NTN4: variants seen among roughly 807,000 people sequenced by gnomAD.
NTN4 encodes the protein netrin 4, also known as netrin-4.
A neutral mutation model predicts 73.6 loss-of-function variants in NTN4; 32 were observed. That is an observed-to-expected ratio of 0.44 (90% CI 0.33 to 0.58). NTN4 has a LOEUF of 0.58. NTN4 is among the 20% of genes least tolerant of loss of function. The probability of loss-of-function intolerance (pLI) is 0.04; values close to 1 mark genes in which losing one functional copy is unlikely to be tolerated. For missense variants in NTN4, 654 were observed against 798.3 expected, an observed-to-expected ratio of 0.82 and a Z score of 2.18; for synonymous variants, 258 against 287.5, an observed-to-expected ratio of 0.90 and a Z score of 1.04.
In NTN4 at chr12:95,672,897, A is replaced by G. The variant is rs557957733; in HGVS notation, c.1511-2751T>C. 181 of 1,296,658 alleles carry G rather than the reference A, an allele frequency of 1.4e-4. 2 individuals are homozygous for G. In the South Asian group the frequency reaches 1.6e-3, roughly 12 times the overall value. The allele number at this position is 1,296,658 out of a possible 1,614,324, so 80.3% of individuals were successfully genotyped here. A position where few individuals can be genotyped will look rare whatever the true frequency, so the allele number is the denominator to read the frequency against. On this transcript the variant is annotated intron_variant, in intron 7 of 9. Transcript: ENST00000343702. ...TCCGGGGCATTGTCAAGCATCTGGAAGGTCTCTCTGAAGAGGCTATCATGG... is the reference window on the plus strand; with the variant it reads ...TCCGGGGCATTGTCAAGCATCTGGAGGGTCTCTCTGAAGAGGCTATCATGG...
chr12:95,733,066 C>G (rs1003438345), intron 3 of NTN4, among the ~76,000 whole-genome samples: 4 of 152,206 alleles, frequency 2.6e-5, no homozygotes, highest in Admixed American at 6.5e-5. Context: ...AAAAATCTGC[C>G]TTAACAAGTG....
intron 2 of NTN4, among the ~76,000 whole-genome samples, chr12:95,769,406 G>T (rs1019281957): frequency 1.3e-5 from 2 of 152,050 alleles, no homozygotes; most frequent in Non-Finnish European, 2.9e-5. Context: ...GACATAAGTT[G>T]GAGTCTTAAA....
At chr12:95,699,730 C>T (rs1180205322) in intron 5 of NTN4, among the ~76,000 whole-genome samples, 2 of 151,910 alleles carry the variant, frequency 1.3e-5, no homozygotes, top group Non-Finnish European at 2.9e-5. Flanking sequence ...TTGGTAAATG[C>T]TTGGTTTGGG....
intron 6 of NTN4, 96 bp downstream of exon 6, chr12:95,683,402 G>T: frequency 8.8e-7 from 1 of 1,137,488 alleles, no homozygotes; most frequent in Non-Finnish European, 1.3e-6. Flanking sequence ...ATACATCTTT[G>T]CTCCATTAAC....
rs878915660 is a variant in NTN4 at position 95,790,385 on chromosome 12, C to T, written c.-76G>A. Reference sequence around the variant, plus strand: ...GAGACCTCTGGGCTGCGGGATGAAGCGCCGCCGTCCTCGGGAGGGAACGGG... The same window carrying T: ...GAGACCTCTGGGCTGCGGGATGAAGTGCCGCCGTCCTCGGGAGGGAACGGG... On this transcript the variant is annotated 5_prime_UTR_variant, in exon 1 of 10. Coordinates refer to ENST00000343702, the MANE Select transcript of NTN4 (RefSeq NM_021229.4). This position sits in a 1 kb window ranked among gnomAD's most constrained non-coding sequence, Gnocchi z 6.5. 7 of 1,275,696 alleles carry T rather than the reference C, an allele frequency of 5.5e-6. No homozygotes were observed. In the South Asian group the frequency reaches 9.0e-5, roughly 16 times the overall value. The allele number at this position is 1,275,696 out of a possible 1,614,324, so 79.0% of individuals were successfully genotyped here.
intron 3 of NTN4, among the ~76,000 whole-genome samples, chr12:95,735,004 A>T (rs1035225831): frequency 6.6e-6 from 1 of 152,180 alleles, no homozygotes; most frequent in African/African-American, 2.4e-5. Context: ...GTGCCATTGC[A>T]CTCCAGCCTG....
intron 2 of NTN4, among the ~76,000 whole-genome samples, chr12:95,750,350 C>A (rs895444985): frequency 4.6e-5 from 7 of 152,192 alleles, no homozygotes; most frequent in Admixed American, 3.9e-4. Context: ...CTATGGGCAA[C>A]CTTCCACCCT....
chr12:95,663,665 A>C (rs2078155980), intron 9 of NTN4: 1 of 152,246 alleles, frequency 6.6e-6, no homozygotes, highest in African/African-American at 2.4e-5. Flanking sequence ...AGTAAAATGA[A>C]AGAGTGTCTG....
intron 3 of NTN4, 119 bp from the exon 4 acceptor site, chr12:95,713,457 C>T (rs2078581499): frequency 1.7e-6 from 2 of 1,171,932 alleles, no homozygotes; most frequent in Non-Finnish European, 1.2e-6. Context: ...ATTCACTTTC[C>T]TGAAGAAGTT....
chr12:95,735,983 G>A (rs2078775074), intron 3 of NTN4, among the ~76,000 whole-genome samples: 1 of 150,482 alleles, frequency 6.6e-6, no homozygotes, highest in South Asian at 2.1e-4. Context: ...TTGTCACTCA[G>A]GCTAGAGTGC....
chr12:95,717,132 C>A (rs543854580), intron 3 of NTN4, among the ~76,000 whole-genome samples: 1 of 152,118 alleles, frequency 6.6e-6, no homozygotes, highest in South Asian at 2.1e-4. Context: ...TTTTAGCAAC[C>A]GTTTATTGAA....
intron 7 of NTN4, among the ~76,000 whole-genome samples, chr12:95,679,939 CT>C (rs2078303012): frequency 6.6e-6 from 1 of 152,158 alleles, no homozygotes. Flanking sequence ...CTTGCTGTAT[CT>C]TCTGCCTAAA....
At chr12:95,675,328 A>G (rs1242709159) in intron 7 of NTN4, among the ~76,000 whole-genome samples, 2 of 152,212 alleles carry the variant, frequency 1.3e-5, no homozygotes, top group African/African-American at 4.8e-5. Context: ...TGATTCTTGA[A>G]GGGTCCATAT....
intron 2 of NTN4, among the ~76,000 whole-genome samples, chr12:95,741,087 A>T (rs950723384): frequency 1.3e-5 from 2 of 152,216 alleles, no homozygotes; most frequent in East Asian, 3.9e-4. Flanking sequence ...TTGTTAGGCA[A>T]CTAGGTTGCT....
intron 2 of NTN4, among the ~76,000 whole-genome samples, chr12:95,754,961 A>G (rs2078938280): frequency 6.6e-6 from 1 of 152,236 alleles, no homozygotes; most frequent in Non-Finnish European, 1.5e-5. Flanking sequence ...TGGTTAATTC[A>G]GTTAAATCTT....
At chr12:95,764,471 C>T (rs1413419040) in intron 2 of NTN4, among the ~76,000 whole-genome samples, 1 of 152,148 alleles carries the variant, frequency 6.6e-6, no homozygotes, top group Non-Finnish European at 1.5e-5. Context: ...TTGAGACCAG[C>T]CTGGCCAACA....
chr12:95,668,220 A>C (rs1321220281), intron 8 of NTN4, among the ~76,000 whole-genome samples: 1 of 151,316 alleles, frequency 6.6e-6, no homozygotes, highest in Non-Finnish European at 1.5e-5. Flanking sequence ...GCAGTATTGC[A>C]CTTAATAAGA....
At chr12:95,702,488 T>G (rs972568099) in intron 5 of NTN4, among the ~76,000 whole-genome samples, 1 of 152,152 alleles carries the variant, frequency 6.6e-6, no homozygotes, top group Admixed American at 6.5e-5. Flanking sequence ...ACTTTCCTCT[T>G]GTAAAATGGG....
intron 3 of NTN4, among the ~76,000 whole-genome samples, chr12:95,714,081 T>C (rs919982705): frequency 3.9e-5 from 6 of 152,148 alleles, no homozygotes; most frequent in Non-Finnish European, 7.4e-5. Context: ...CATTTTTTTT[T>C]CCTCCCCATA....
Sources: allele counts gnomAD v4.1 joint callset (sites outside exome capture counted in the v4.1 genomes callset), GRCh38; gene constraint gnomAD v4.1.1; non-coding constraint Gnocchi (gnomAD v3.1); transcripts MANE v1.5; gene names NCBI Gene and HGNC (gene_info 2026-07-23, HGNC 2026-07-21).